The following KATNBL1 variants were observed in gnomAD, a reference collection of about 807,000 sequenced individuals.
KATNBL1 encodes katanin regulatory subunit B1 like 1, also known as KATNB1-like protein 1.
KATNBL1 carries 28 observed loss-of-function variants against 44.7 expected under a neutral mutation model. That is an observed-to-expected ratio of 0.63 (90% CI 0.46 to 0.86). KATNBL1 has a LOEUF of 0.86. Ranked by LOEUF, KATNBL1 falls within the 40% of genes least tolerant of loss-of-function variation. The pLI, the probability that KATNBL1 is intolerant of heterozygous loss-of-function variation, is 0.00. For missense variants in KATNBL1, 272 were observed against 350.7 expected (o/e 0.78, Z 1.79); for synonymous variants, 78 against 114.9 (o/e 0.68, Z 2.06).
intron 1 of KATNBL1, among the ~76,000 whole-genome samples, chr15:34,202,770 T>C (rs7183568): frequency 0.15 from 23,463 of 152,102 alleles, 1,953 homozygotes; most frequent in African/African-American, 0.21. Flanking sequence ...GTGGGCGGAT[T>C]GCCTGAGGTC....
chr15:34,193,735 C>T (rs1889952454), intron 1 of KATNBL1, among the ~76,000 whole-genome samples: 1 of 150,870 alleles, frequency 6.6e-6, no homozygotes, highest in South Asian at 2.1e-4. Context: ...ACCAGTAGTC[C>T]CAGCTACTCA....
intron 1 of KATNBL1, among the ~76,000 whole-genome samples, chr15:34,191,705 T>C (rs1190398422): frequency 1.3e-5 from 2 of 151,992 alleles, no homozygotes; most frequent in African/African-American, 2.4e-5. Flanking sequence ...CCTAACACTT[T>C]GGGAGGCCGA....
intron 1 of KATNBL1, among the ~76,000 whole-genome samples, chr15:34,172,256 CTT>C (rs59733560): frequency 5.2e-5 from 5 of 96,608 alleles, no homozygotes; most frequent in South Asian, 3.5e-4. Context: ...GGAACATATT[CTT>C]TTTTTTTTTT....
intron 1 of KATNBL1, among the ~76,000 whole-genome samples, chr15:34,204,635 T>C (rs2141007888): frequency 6.6e-6 from 1 of 152,352 alleles, no homozygotes; most frequent in East Asian, 1.9e-4. Flanking sequence ...AAATGGATAA[T>C]TCACTCAAAC....
At chr15:34,155,988 C>A (rs1268039789) in intron 2 of KATNBL1, among the ~76,000 whole-genome samples, 1 of 152,026 alleles carries the variant, frequency 6.6e-6, no homozygotes, top group South Asian at 2.1e-4. Context: ...GTGTTTTTTT[C>A]TTTCTCTGGT....
intron 1 of KATNBL1, among the ~76,000 whole-genome samples, chr15:34,191,239 T>C (rs1889864836): frequency 6.6e-6 from 1 of 150,458 alleles, no homozygotes; most frequent in Non-Finnish European, 1.5e-5. Flanking sequence ...TCATCCATGC[T>C]GTTGCATGCA....
intron 1 of KATNBL1, among the ~76,000 whole-genome samples, chr15:34,168,520 G>A (rs1465102823): frequency 2.0e-5 from 3 of 152,042 alleles, no homozygotes; most frequent in African/African-American, 7.3e-5. Context: ...GTCAATATTA[G>A]ACAGATCAGT....
chr15:34,159,421 T>C (rs150960553), intron 2 of KATNBL1, among the ~76,000 whole-genome samples: 13 of 152,274 alleles, frequency 8.5e-5, no homozygotes, highest in Middle Eastern at 3.4e-3. Context: ...AGCTCTAAGG[T>C]CTTACACTAA....
At chr15:34,190,275 C>A (rs1307934553) in intron 1 of KATNBL1, among the ~76,000 whole-genome samples, 1 of 152,070 alleles carries the variant, frequency 6.6e-6, no homozygotes, top group Non-Finnish European at 1.5e-5. Flanking sequence ...AAGAAGCTTA[C>A]AATCTAGTGG....
At chr15:34,160,749 C>T (rs1888775335) in intron 2 of KATNBL1, among the ~76,000 whole-genome samples, 1 of 152,054 alleles carries the variant, frequency 6.6e-6, no homozygotes, top group Admixed American at 6.5e-5. Flanking sequence ...GGGTATTTCC[C>T]ATCTTGATGG....
intron 9 of KATNBL1, among the ~76,000 whole-genome samples, chr15:34,143,665 A>AG (rs1410191045): frequency 6.6e-6 from 1 of 151,482 alleles, no homozygotes; most frequent in Admixed American, 6.6e-5. Context: ...TAAGAATTCT[A>AG]TAGGCCAGGC....
chr15:34,209,928 G>T lies in KATNBL1; in HGVS notation c.-15+23C>A, dbSNP rs1418494479. On this transcript the variant is annotated intron_variant, in intron 1 of 9. Transcript: ENST00000256544. ...CAGGGCAGCTGCGGGCGCGGGGCTC[G>T]CACCGGCTCGGCAGTCACTTACCGG... 10 of 151,754 alleles carry T rather than the reference G, an allele frequency of 6.6e-5. No homozygotes were observed. The East Asian group carries it at 1.8e-3, about 27-fold the overall frequency. 9.4% of individuals were successfully genotyped at this position (151,754 alleles called of 1,614,324 possible).
intron 1 of KATNBL1, among the ~76,000 whole-genome samples, chr15:34,180,434 G>A (rs1385637324): frequency 1.3e-5 from 2 of 152,030 alleles, no homozygotes; most frequent in African/African-American, 2.4e-5. Context: ...CTGTTCATAC[G>A]ACACAGTTGT....
chr15:34,189,266 C>T lies in KATNBL1; in HGVS notation c.-15+20685G>A, dbSNP rs527823317. Among the ~76,000 whole-genome samples the T allele has an allele frequency of 1.7e-4, 26 of 152,304 alleles. 1 individual carries two copies. In the East Asian group the frequency reaches 3.5e-3, roughly 20 times the overall value. ...CTCGAAGTCCCAACCTCAGGTTATC[C>T]GCCCGCCTCAGCCTCCCAAAGTGCT... is the stretch of plus-strand genomic sequence containing the variant. On this transcript the variant is annotated intron_variant, in intron 1 of 9. Coordinates refer to ENST00000256544, the MANE Select transcript of KATNBL1 (RefSeq NM_024713.3).
chr15:34,162,371 T>A (rs1006857884), intron 2 of KATNBL1, among the ~76,000 whole-genome samples: 1 of 152,196 alleles, frequency 6.6e-6, no homozygotes, highest in Non-Finnish European at 1.5e-5. Flanking sequence ...CTGCCACGTA[T>A]GTAAAATGTG....
chr15:34,160,249 T>C (rs1264366344), intron 2 of KATNBL1, among the ~76,000 whole-genome samples: 1 of 152,218 alleles, frequency 6.6e-6, no homozygotes, highest in Non-Finnish European at 1.5e-5. Context: ...AGCGGGGGTC[T>C]AGCTTCCTTA....
chr15:34,202,954 G>A (rs1404526771), intron 1 of KATNBL1, among the ~76,000 whole-genome samples: 1 of 152,056 alleles, frequency 6.6e-6, no homozygotes, highest in East Asian at 1.9e-4. Flanking sequence ...TCACGCCATT[G>A]CACTCCAGCC....
intron 1 of KATNBL1, among the ~76,000 whole-genome samples, chr15:34,188,136 GTAAAA>G (rs1258888649): frequency 6.1e-4 from 4 of 6,592 alleles, no homozygotes; most frequent in South Asian, 8.3e-3. Flanking sequence ...AAGACGCCAT[GTAAAA>G]AAAAAAAAAA....
chr15:34,196,268 A>C (rs1890026221), intron 1 of KATNBL1, among the ~76,000 whole-genome samples: 1 of 151,906 alleles, frequency 6.6e-6, no homozygotes, highest in Admixed American at 6.6e-5. Flanking sequence ...AAATACAAAA[A>C]TTAGCCACGC....
Sources: allele counts gnomAD v4.1 joint callset (sites outside exome capture counted in the v4.1 genomes callset), GRCh38; gene constraint gnomAD v4.1.1; transcripts MANE v1.5; gene names NCBI Gene and HGNC (gene_info 2026-07-23, HGNC 2026-07-21).